Variants in NRXN2 observed in about 807,000 individuals in gnomAD.
NRXN2 encodes neurexin-2-beta.
In NRXN2, 29 loss-of-function variants were observed where a neutral mutation model predicts 128.8. The observed-to-expected ratio is 0.23, with a 90% CI of 0.17 to 0.31. NRXN2 has a LOEUF of 0.31. Among genes scored for constraint, NRXN2 ranks in the 10% least tolerant of loss-of-function variants. NRXN2 has a pLI of 1.00. For synonymous variants in NRXN2, 1,098 were observed against 1,075.2 expected (o/e 1.02, Z -0.41); for missense variants, 1,881 against 2,452.6 (o/e 0.77, Z 4.92).
chr11:64,661,782 A>G (rs974330295), intron 9 of NRXN2, among the ~76,000 whole-genome samples: 8 of 152,206 alleles, frequency 5.3e-5, no homozygotes, highest in South Asian at 2.1e-4. Flanking sequence ...GAACACAGCC[A>G]AAGTATGGTC....
intron 3 of NRXN2, among the ~76,000 whole-genome samples, chr11:64,697,203 C>T (rs1157773773): frequency 6.6e-6 from 1 of 152,108 alleles, no homozygotes; most frequent in African/African-American, 2.4e-5. Flanking sequence ...AGGGGCCTGC[C>T]GCAAGTGGCA....
intron 1 of NRXN2, among the ~76,000 whole-genome samples, chr11:64,720,567 G>C (rs1422382252): frequency 1.3e-5 from 2 of 152,174 alleles, no homozygotes; most frequent in African/African-American, 4.8e-5. Context: ...GGCCAGGAGG[G>C]GTAGGAGGCC....
At position 64,651,129 on chromosome 11, in the gene NRXN2, G is replaced by C. The variant is rs759042819; in HGVS notation, c.2918+126C>G. On this transcript the variant is annotated intron_variant, in intron 14 of 22. Coordinates refer to ENST00000265459, the MANE Select transcript of NRXN2 (RefSeq NM_015080.4). The surrounding 1 kb of genome is among the most constrained non-coding windows in gnomAD (Gnocchi z 5.9). ...GGGAGCCTCTCGACTTACGGTCGGG[G>C]ACCTGAATCTTGACTTGTGATCTGG... The C allele has an allele frequency of 1.6e-4, 207 of 1,319,036 alleles. No individual in the cohort carries two copies. The highest frequency in any genetic ancestry group is 2.2e-4 in the Non-Finnish European group (202 of 930,188). 81.7% of individuals were successfully genotyped at this position (1,319,036 alleles called of 1,614,324 possible).
At chr11:64,642,714 C>A (rs1042323963) in intron 17 of NRXN2, 2 of 1,438,034 alleles carry the variant, frequency 1.4e-6, no homozygotes, top group South Asian at 1.4e-5. Flanking sequence ...GCAGAGGTGG[C>A]GGCGGCGGCG....
intron 6 of NRXN2, among the ~76,000 whole-genome samples, chr11:64,679,006 G>A (rs2051762095): frequency 6.6e-6 from 1 of 152,216 alleles, no homozygotes; most frequent in Admixed American, 6.5e-5. Context: ...AGCAAGAGAA[G>A]AGTCTAATTG....
intron 3 of NRXN2, among the ~76,000 whole-genome samples, chr11:64,695,372 G>A (rs1043206920): frequency 6.6e-6 from 1 of 152,104 alleles, no homozygotes; most frequent in African/African-American, 2.4e-5. Context: ...TGTTCGGCAG[G>A]GGTGCAGAGC....
At chr11:64,620,511 C>T (rs766681584) in intron 21 of NRXN2, 139 bp from the exon 22 acceptor site, 70 of 708,490 alleles carry the variant, frequency 9.9e-5, no homozygotes, top group Middle Eastern at 6.2e-4. Flanking sequence ...TCCCAGCCCT[C>T]CCATCTCTTG....
At chr11:64,655,009 C>T (rs552653016) in intron 11 of NRXN2, among the ~76,000 whole-genome samples, 3 of 152,320 alleles carry the variant, frequency 2.0e-5, no homozygotes, top group South Asian at 4.1e-4. Context: ...GGCAGTCTCC[C>T]GGCCCTCGAT....
rs556196688 is a variant in NRXN2 at position 64,651,050 on chromosome 11, G to A, written c.2918+205C>T. Among the ~76,000 whole-genome samples the A allele has an allele frequency of 6.6e-6, 1 of 152,350 alleles. No homozygotes were observed. Among genetic ancestry groups the A allele is most frequent in the South Asian group, 2.1e-4 (1 of 4,832 alleles). On this transcript the variant is annotated intron_variant, in intron 14 of 22. Coordinates refer to ENST00000265459, the MANE Select transcript of NRXN2 (RefSeq NM_015080.4). The surrounding 1 kb of genome is among the most constrained non-coding windows in gnomAD (Gnocchi z 5.9). ...TATAACAGGGAACTCTGGCAAGGAA[G>A]CAGCTGGGGAGTCAGCAGTGGAAGA...
Position 64,630,599 on chromosome 11 carries a change from C to A in NRXN2, c.3586-26G>T. ...CTGGGGACATGGAGGTGGAGGTCAG[C>A]GACCAGAGGGAGCAACCATTCATCC... is the stretch of plus-strand genomic sequence containing the variant. On this transcript the variant is annotated intron_variant, in intron 18 of 22. Transcript: ENST00000265459. The surrounding 1 kb of genome is among the most constrained non-coding windows in gnomAD (Gnocchi z 4.6). The A allele has an allele frequency of 6.2e-7, 1 of 1,613,234 alleles. No individual in the cohort carries two copies. The highest frequency in any genetic ancestry group is 8.5e-7 in the Non-Finnish European group (1 of 1,179,824).
intron 17 of NRXN2, among the ~76,000 whole-genome samples, chr11:64,647,601 AG>A (rs1309859505): frequency 6.6e-6 from 1 of 152,202 alleles, no homozygotes; most frequent in Non-Finnish European, 1.5e-5. Context: ...CGAAGACAGT[AG>A]GGAGTGACCT....
intron 22 of NRXN2, among the ~76,000 whole-genome samples, chr11:64,615,918 G>A (rs2041429755): frequency 6.6e-6 from 1 of 151,932 alleles, no homozygotes; most frequent in South Asian, 2.1e-4. Flanking sequence ...GCATGTCTAT[G>A]CATATGTGTG....
In NRXN2 at chr11:64,606,869, G is replaced by A; in HGVS notation, c.*327C>T. 1 of 326,214 alleles carries A rather than the reference G, an allele frequency of 3.1e-6. No individual in the cohort carries two copies. The highest frequency in any genetic ancestry group is 5.7e-6 in the Non-Finnish European group (1 of 174,966). 20.2% of individuals were successfully genotyped at this position (326,214 alleles called of 1,614,324 possible). A position where few individuals can be genotyped will look rare whatever the true frequency, so the allele number is the denominator to read the frequency against. On this transcript the variant is annotated 3_prime_UTR_variant, in exon 23 of 23. Transcript: ENST00000265459. ...CAGTGGACACTTTACAAAACCCCCA[G>A]CCTTCCTTCCCACCCAACCCCACCA...
intron 17 of NRXN2, chr11:64,643,328 C>T (rs1406834312): frequency 1.2e-4 from 81 of 654,608 alleles, no homozygotes; most frequent in Non-Finnish European, 1.3e-4. Flanking sequence ...TGCCGCCCGA[C>T]GGAGGCCGGG....
intron 3 of NRXN2, among the ~76,000 whole-genome samples, chr11:64,693,298 T>C (rs1414584235): frequency 2.6e-5 from 4 of 150,950 alleles, no homozygotes; most frequent in African/African-American, 9.7e-5. Context: ...GGGTTGCTTT[T>C]TCCTTTTTCT....
chr11:64,621,528 T>C (rs907747960), intron 21 of NRXN2, among the ~76,000 whole-genome samples: 2 of 152,128 alleles, frequency 1.3e-5, no homozygotes, highest in African/African-American at 4.8e-5. Context: ...TGGCCCCAGC[T>C]AGCCTAGTCC....
At position 64,635,259 on chromosome 11, in the gene NRXN2, C is replaced by G. The variant is rs748621890; in HGVS notation, c.3585+12G>C. ...AGCTTGAGGTTGAAGGGTTGGGGCC[C>G]AGGGTCCTTACGATGTGCAGCTGCA... On this transcript the variant is annotated intron_variant, in intron 18 of 22. Coordinates refer to ENST00000265459, the MANE Select transcript of NRXN2 (RefSeq NM_015080.4). The surrounding 1 kb of genome is among the most constrained non-coding windows in gnomAD (Gnocchi z 4.8). 6.2e-7 allele frequency: 1 copy of G among 1,611,598 alleles called. No individual in the cohort carries two copies. The highest frequency in any genetic ancestry group is 1.3e-5 in the African/African-American group (1 of 74,868).
In NRXN2 at chr11:64,651,900, G is replaced by A; in HGVS notation, c.2536+135C>T. ...CAGATGCCCATAACATTCCACCCCTGAAGGAGAAATGGCAGAGGCAGCTTG... is the reference window on the plus strand; with the variant it reads ...CAGATGCCCATAACATTCCACCCCTAAAGGAGAAATGGCAGAGGCAGCTTG... On this transcript the variant is annotated intron_variant, in intron 13 of 22. Coordinates refer to ENST00000265459, the MANE Select transcript of NRXN2 (RefSeq NM_015080.4). The surrounding 1 kb of genome is among the most constrained non-coding windows in gnomAD (Gnocchi z 5.9). The A allele has an allele frequency of 1.4e-6, 2 of 1,386,490 alleles. No homozygotes were observed. The highest frequency in any genetic ancestry group is 2.0e-6 in the Non-Finnish European group (2 of 989,588). The allele number at this position is 1,386,490 out of a possible 1,614,324, so 85.9% of individuals were successfully genotyped here.
At chr11:64,658,401 T>C (rs1486886819) in intron 11 of NRXN2, among the ~76,000 whole-genome samples, 3 of 152,178 alleles carry the variant, frequency 2.0e-5, no homozygotes, top group African/African-American at 7.2e-5. Flanking sequence ...TTGTGGAGCA[T>C]TGACTAGAGT....
Sources: allele counts gnomAD v4.1 joint callset (sites outside exome capture counted in the v4.1 genomes callset), GRCh38; gene constraint gnomAD v4.1.1; non-coding constraint Gnocchi (gnomAD v3.1); transcripts MANE v1.5; gene names NCBI Gene and HGNC (gene_info 2026-07-23, HGNC 2026-07-21).